GXYLT2: variants seen among roughly 807,000 people sequenced by gnomAD.
The protein encoded by GXYLT2 is glucoside xylosyltransferase 2.
GXYLT2 carries 53 observed loss-of-function variants against 45.8 expected under a neutral mutation model. The ratio of observed to expected loss-of-function variants is 1.16; its 90% confidence interval spans 0.93 to 1.46. The LOEUF (loss-of-function observed/expected upper bound fraction) is 1.46. Among genes scored for constraint, GXYLT2 ranks in the 40% most tolerant of loss-of-function variants. GXYLT2 has a pLI of 0.00. For synonymous variants in GXYLT2, 219 were observed against 214.2 expected, an observed-to-expected ratio of 1.02 and a Z score of -0.19; for missense variants, 551 against 544.4, an observed-to-expected ratio of 1.01 and a Z score of -0.12.
intron 3 of GXYLT2, among the ~76,000 whole-genome samples, chr3:72,926,064 G>A (rs1709913393): frequency 1.3e-5 from 2 of 152,142 alleles, no homozygotes. Context: ...ACCATATCAG[G>A]TGTGCTGCCT....
At chr3:72,908,307 TTTG>T in intron 1 of GXYLT2, 57 bp from the exon 2 acceptor site, 3 of 1,289,370 alleles carry the variant, frequency 2.3e-6, no homozygotes, top group Non-Finnish European at 3.2e-6. Flanking sequence ...TCGCCGGTTT[TTTG>T]TTGTTTTTAC....
At chr3:72,889,907 G>GTTTTTTTTTTTT (rs5850087) in intron 1 of GXYLT2, among the ~76,000 whole-genome samples, 100 of 118,730 alleles carry the variant, frequency 8.4e-4, no homozygotes, top group Non-Finnish European at 1.1e-3. Context: ...TTTTTTTTTT[G>GTTTTTTTTTTTT]TTTTTTTTTT....
chr3:72,925,875 G>A (rs1004348217), intron 3 of GXYLT2, among the ~76,000 whole-genome samples: 2 of 152,144 alleles, frequency 1.3e-5, no homozygotes, highest in African/African-American at 4.8e-5. Flanking sequence ...TAATGGAAAC[G>A]AGCCCTCTTT....
chr3:72,933,622 G>A (rs1487346371), intron 3 of GXYLT2, among the ~76,000 whole-genome samples: 1 of 152,180 alleles, frequency 6.6e-6, no homozygotes, highest in Non-Finnish European at 1.5e-5. Context: ...TTGAAAGGAT[G>A]TTGGGGCTGG....
intron 3 of GXYLT2, among the ~76,000 whole-genome samples, chr3:72,942,825 T>G (rs539381724): frequency 3.3e-5 from 5 of 152,078 alleles, no homozygotes; most frequent in Non-Finnish European, 7.3e-5. Flanking sequence ...ACAAATAAAT[T>G]CAGTGTTTGG....
chr3:72,945,968 A>G (rs1363133219), intron 3 of GXYLT2, among the ~76,000 whole-genome samples: 3 of 152,192 alleles, frequency 2.0e-5, no homozygotes, highest in Non-Finnish European at 2.9e-5. Flanking sequence ...CATGTATTTC[A>G]TAATCAATAA....
intron 5 of GXYLT2, among the ~76,000 whole-genome samples, chr3:72,961,120 C>T (rs1192665843): frequency 1.3e-5 from 2 of 152,122 alleles, no homozygotes; most frequent in East Asian, 1.9e-4. Flanking sequence ...AGCTGAAACG[C>T]GTGGGGGCTT....
At chr3:72,966,636 T>G (rs1016893902) in intron 5 of GXYLT2, among the ~76,000 whole-genome samples, 14 of 40,420 alleles carry the variant, frequency 3.5e-4, no homozygotes, top group African/African-American at 5.8e-4. Flanking sequence ...GGTTTGTTCG[T>G]TTTTTTTTGT....
intron 2 of GXYLT2, among the ~76,000 whole-genome samples, chr3:72,911,991 G>GTATATATA (rs1285660987): frequency 2.7e-4 from 35 of 131,796 alleles, no homozygotes; most frequent in South Asian, 4.5e-4. Flanking sequence ...GTGTGTGTGT[G>GTATATATA]TGTATATATA....
At chr3:72,910,083 G>A (rs534759778) in intron 2 of GXYLT2, among the ~76,000 whole-genome samples, 1 of 152,282 alleles carries the variant, frequency 6.6e-6, no homozygotes, top group African/African-American at 2.4e-5. Flanking sequence ...AAGGAAAAGG[G>A]CTGAAACTCT....
intron 3 of GXYLT2, among the ~76,000 whole-genome samples, chr3:72,942,751 TAAA>T (rs765539351): frequency 7.4e-5 from 8 of 108,260 alleles, no homozygotes; most frequent in Non-Finnish European, 8.1e-5. Flanking sequence ...GTCCAGGTTA[TAAA>T]AAAAAAAAAA....
chr3:72,908,116 G>T (rs991112588), intron 1 of GXYLT2: 2 of 367,496 alleles, frequency 5.4e-6, no homozygotes, highest in African/African-American at 4.1e-5. Context: ...GCTGAGTGCT[G>T]GCAGAAAAAG....
At chr3:72,963,038 G>A (rs1025108013) in intron 5 of GXYLT2, among the ~76,000 whole-genome samples, 36 of 152,010 alleles carry the variant, frequency 2.4e-4, no homozygotes, top group Admixed American at 2.0e-3. Context: ...GAGGCCGGGT[G>A]TGGGAGCTTA....
In GXYLT2 at chr3:72,942,757, A is replaced by G. The variant is rs924270906; in HGVS notation, c.601-12341A>G. Among the ~76,000 whole-genome samples, 5 of 152,298 alleles carry G rather than the reference A, an allele frequency of 3.3e-5. No homozygotes were observed. The East Asian group carries it at 5.8e-4, about 18-fold the overall frequency. On this transcript the variant is annotated intron_variant, in intron 3 of 6. Coordinates refer to ENST00000389617, the MANE Select transcript of GXYLT2 (RefSeq NM_001080393.2). ...TTCAAAGCTGTCCAGGTTATAAAAA[A>G]AAAAAAAAAGGAAAGGCTGAGAAAT...
At chr3:72,905,031 C>G (rs1320325253) in intron 1 of GXYLT2, among the ~76,000 whole-genome samples, 1 of 134,414 alleles carries the variant, frequency 7.4e-6, no homozygotes, top group Non-Finnish European at 1.5e-5. Context: ...CACCACTGCA[C>G]TCCAGCCTGG....
chr3:72,920,239 A>T (rs1325009360), intron 2 of GXYLT2, among the ~76,000 whole-genome samples: 1 of 151,932 alleles, frequency 6.6e-6, no homozygotes, highest in Non-Finnish European at 1.5e-5. Context: ...AGTTGATGTG[A>T]TTCTCCTGCC....
intron 3 of GXYLT2, among the ~76,000 whole-genome samples, chr3:72,950,185 G>A (rs950767840): frequency 9.9e-5 from 15 of 152,090 alleles, no homozygotes; most frequent in African/African-American, 3.6e-4. Flanking sequence ...TAGCAGCTGG[G>A]CACAGTGGCT....
At chr3:72,930,195 A>C (rs1157507449) in intron 3 of GXYLT2, among the ~76,000 whole-genome samples, 2 of 151,364 alleles carry the variant, frequency 1.3e-5, no homozygotes, top group African/African-American at 2.4e-5. Flanking sequence ...ACAGAGTTGC[A>C]GTTATAGTTG....
rs1306256731 is a variant in GXYLT2 at position 72,888,084 on chromosome 3, C to T, written c.-150C>T. 3 of 319,990 alleles carry T rather than the reference C, an allele frequency of 9.4e-6. No individual in the cohort carries two copies. Among genetic ancestry groups the T allele is most frequent in the South Asian group, 1.2e-4 (1 of 8,602 alleles). 19.8% of individuals were successfully genotyped at this position (319,990 alleles called of 1,614,324 possible). A position where few individuals can be genotyped will look rare whatever the true frequency, so the allele number is the denominator to read the frequency against. ...CCTCCTCCTTCGCCGTCGCCGCCGCCGCCGGCCGCCCGCCGGCCGCCACGA... is the reference window on the plus strand; with the variant it reads ...CCTCCTCCTTCGCCGTCGCCGCCGCTGCCGGCCGCCCGCCGGCCGCCACGA... On this transcript the variant is annotated 5_prime_UTR_variant, in exon 1 of 7. Transcript: ENST00000389617.
Sources: gnomAD v4.1 joint callset for allele counts (sites outside exome capture counted in the v4.1 genomes callset) on GRCh38, gnomAD v4.1.1 for gene constraint, MANE v1.5 for transcripts, NCBI Gene and HGNC (gene_info 2026-07-23, HGNC 2026-07-21) for gene names.